Variants in SH3BGRL2 observed in about 807,000 individuals in gnomAD.
SH3BGRL2 encodes the protein SH3 domain binding glutamate rich protein like 2.
In SH3BGRL2, 21 loss-of-function variants were observed where a neutral mutation model predicts 14.8. The observed-to-expected ratio is 1.42, with a 90% CI of 1.01 to 2.05. The LOEUF (loss-of-function observed/expected upper bound fraction) is 2.05. Among genes scored for constraint, SH3BGRL2 ranks in the 30% most tolerant of loss-of-function variants. The pLI is 0.00. For synonymous variants in SH3BGRL2, 50 were observed against 47.8 expected, an observed-to-expected ratio of 1.05 and a Z score of -0.19; for missense variants, 147 against 130.8, an observed-to-expected ratio of 1.12 and a Z score of -0.61.
At chr6:79,599,222 A>G in the SH3BGRL2 span, among the ~76,000 whole-genome samples, 1 of 152,196 alleles carries the variant, frequency 6.6e-6, no homozygotes. Flanking sequence ...TCACAGAACA[A>G]TGAGAACTCT....
chr6:79,562,423 A>C, the SH3BGRL2 span, among the ~76,000 whole-genome samples: 7 of 152,196 alleles, frequency 4.6e-5, no homozygotes, highest in African/African-American at 1.7e-4. Flanking sequence ...GTCCCTAACT[A>C]ACTCCTAGGT....
the SH3BGRL2 span, chr6:79,575,170 G>A: frequency 6.6e-6 from 1 of 152,166 alleles, no homozygotes; most frequent in Admixed American, 6.5e-5. Context: ...TTTAGATGAA[G>A]CTTTTTCAGT....
the SH3BGRL2 span, among the ~76,000 whole-genome samples, chr6:79,625,680 A>G: frequency 6.6e-6 from 1 of 152,158 alleles, no homozygotes; most frequent in Non-Finnish European, 1.5e-5. Flanking sequence ...TTTATTTTGC[A>G]TGATTAATAA....
chr6:79,630,474 A>T (rs1768800537), upstream of SH3BGRL2, among the ~76,000 whole-genome samples: 1 of 152,182 alleles, frequency 6.6e-6, no homozygotes, highest in Non-Finnish European at 1.5e-5. Context: ...CTATTCCTAA[A>T]CTATTAGCAA....
intron 2 of SH3BGRL2, among the ~76,000 whole-genome samples, chr6:79,682,698 C>T (rs1368367347): frequency 6.6e-6 from 1 of 152,170 alleles, no homozygotes; most frequent in Non-Finnish European, 1.5e-5. Context: ...CATCATGTTG[C>T]AAGACTTAAT....
intron 1 of SH3BGRL2, among the ~76,000 whole-genome samples, chr6:79,669,439 G>A (rs1769726929): frequency 6.9e-6 from 1 of 145,836 alleles, no homozygotes; most frequent in Non-Finnish European, 1.5e-5. Context: ...CCTGGCCTTG[G>A]GGAATTTATA....
the SH3BGRL2 span, among the ~76,000 whole-genome samples, chr6:79,607,859 TG>T: frequency 2.0e-5 from 3 of 152,014 alleles, no homozygotes; most frequent in Admixed American, 6.5e-5. Flanking sequence ...GCAGGAGAAT[TG>T]CTTGAACCCC....
chr6:79,666,872 G>T (rs1032834766), intron 1 of SH3BGRL2, among the ~76,000 whole-genome samples: 7 of 152,204 alleles, frequency 4.6e-5, no homozygotes, highest in African/African-American at 1.7e-4. Flanking sequence ...AAGAACTGTT[G>T]TGTTGAATAT....
the SH3BGRL2 span, among the ~76,000 whole-genome samples, chr6:79,537,655 G>C: frequency 6.6e-6 from 1 of 152,194 alleles, no homozygotes; most frequent in Non-Finnish European, 1.5e-5. Context: ...GCTGTGCGGT[G>C]CCAGGGCTCG....
chr6:79,657,951 C>T (rs1769458359), intron 1 of SH3BGRL2, among the ~76,000 whole-genome samples: 1 of 152,060 alleles, frequency 6.6e-6, no homozygotes, highest in African/African-American at 2.4e-5. Flanking sequence ...AAAATATGTA[C>T]AGATAATAAT....
chr6:79,633,519 C>A (rs1768864812), intron 1 of SH3BGRL2, among the ~76,000 whole-genome samples: 1 of 152,068 alleles, frequency 6.6e-6, no homozygotes, highest in African/African-American at 2.4e-5. Context: ...AGGCTCAGAT[C>A]CCCTCAATGC....
chr6:79,647,554 A>G (rs1769169120), intron 1 of SH3BGRL2, among the ~76,000 whole-genome samples: 1 of 152,096 alleles, frequency 6.6e-6, no homozygotes, highest in African/African-American at 2.4e-5. Flanking sequence ...ACAACTCTTA[A>G]TCTTGGGGAG....
At chr6:79,686,809 A>C (rs1213626182) in intron 2 of SH3BGRL2, among the ~76,000 whole-genome samples, 5 of 152,206 alleles carry the variant, frequency 3.3e-5, no homozygotes, top group African/African-American at 1.2e-4. Context: ...TCCTTTGAGC[A>C]GGAGGGCTAA....
chr6:79,610,172 G>T, the SH3BGRL2 span, among the ~76,000 whole-genome samples: 1 of 152,166 alleles, frequency 6.6e-6, no homozygotes, highest in Non-Finnish European at 1.5e-5. Flanking sequence ...TTCCAAAAAG[G>T]CAAATTGGGA....
intron 3 of SH3BGRL2, among the ~76,000 whole-genome samples, chr6:79,697,207 A>G (rs1356884218): frequency 4.6e-5 from 7 of 152,120 alleles, no homozygotes; most frequent in Non-Finnish European, 8.8e-5. Flanking sequence ...TTTTTTTAAA[A>G]CACACATTTT....
the SH3BGRL2 span, among the ~76,000 whole-genome samples, chr6:79,580,212 C>A: frequency 6.6e-6 from 1 of 152,092 alleles, no homozygotes; most frequent in African/African-American, 2.4e-5. Flanking sequence ...GACTTTAACA[C>A]CCCACTGTCA....
rs908840853 is a variant in SH3BGRL2, at chr6:79,631,338, C to G, written c.-124C>G. On this transcript the variant is annotated 5_prime_UTR_variant, in exon 1 of 4. Transcript: ENST00000369838. Reference sequence around the variant, plus strand: ...CCGCCGGGAGGGAGCCAGATCCCAGCGATCTTCCCCGACGGCAGCGCTTTA... The same window carrying G: ...CCGCCGGGAGGGAGCCAGATCCCAGGGATCTTCCCCGACGGCAGCGCTTTA... 4.7e-6 allele frequency: 4 copies of G among 854,598 alleles called. No individual in the cohort carries two copies. The highest frequency in any genetic ancestry group is 4.9e-6 in the Non-Finnish European group (3 of 611,792). 52.9% of individuals were successfully genotyped at this position (854,598 alleles called of 1,614,324 possible). A position where few individuals can be genotyped will look rare whatever the true frequency, so the allele number is the denominator to read the frequency against.
intron 2 of SH3BGRL2, among the ~76,000 whole-genome samples, chr6:79,685,802 A>G (rs1207767430): frequency 1.3e-5 from 2 of 152,178 alleles, no homozygotes; most frequent in Non-Finnish European, 2.9e-5. Context: ...AGGGAGAATG[A>G]CACAAATGTC....
the SH3BGRL2 span, among the ~76,000 whole-genome samples, chr6:79,555,057 C>A: frequency 2.9e-4 from 44 of 152,020 alleles, no homozygotes; most frequent in African/African-American, 1.0e-3. Flanking sequence ...TATACCATAT[C>A]CCTAGAAAGG....
Sources: gnomAD v4.1 joint callset for allele counts (sites outside exome capture counted in the v4.1 genomes callset) on GRCh38, gnomAD v4.1.1 for gene constraint, MANE v1.5 for transcripts, NCBI Gene and HGNC (gene_info 2026-07-23, HGNC 2026-07-21) for gene names.